ZAN: variants seen among roughly 807,000 people sequenced by gnomAD.
The protein encoded by ZAN is zonadhesin (gene/pseudogene).
ZAN carries 260 observed loss-of-function variants against 286.2 expected under a neutral mutation model. The observed-to-expected ratio is 0.91, with a 90% CI of 0.82 to 1.01. The LOEUF (loss-of-function observed/expected upper bound fraction) is 1.01, where lower values mean the gene tolerates loss of function less well. Ranked by LOEUF, ZAN falls within the 50% of genes least tolerant of loss-of-function variation. The pLI, the probability that ZAN is intolerant of heterozygous loss-of-function variation, is 0.00. For missense variants in ZAN, 3,410 were observed against 3,639.2 expected (o/e 0.94, Z 1.62); for synonymous variants, 1,368 against 1,417.5 (o/e 0.97, Z 0.79).
At chr7:100,761,947 GATAAATAAATAAATAA>G (rs113604904) in intron 19 of ZAN, among the ~76,000 whole-genome samples, 14 of 148,082 alleles carry the variant, frequency 9.5e-5, no homozygotes, top group East Asian at 7.8e-4. Context: ...TGAAAAAAAG[GATAAATAAATAAATAA>G]ATAAATAAAT....
Position 100,768,536 on chromosome 7 carries a change from AGGAGGATGGT to A in ZAN, c.5042-71_5042-62del. 3 of 1,248,626 alleles carry A rather than the reference AGGAGGATGGT, an allele frequency of 2.4e-6. No individual in the cohort carries two copies. In the South Asian group the frequency reaches 4.3e-5, roughly 18 times the overall value. The allele number at this position is 1,248,626 out of a possible 1,614,324, so 77.3% of individuals were successfully genotyped here. Reference sequence around the variant, plus strand: ...ATGTAGAATGAAAAGTGAGGGTGCCAGGAGGATGGTGGCCCTGGGGCCTGGCCTGCTGGGG... The same window carrying A: ...ATGTAGAATGAAAAGTGAGGGTGCCAGGCCCTGGGGCCTGGCCTGCTGGGG... On this transcript the variant is annotated intron_variant, in intron 26 of 47. Coordinates refer to ENST00000613979, the MANE Select transcript of ZAN (RefSeq NM_003386.3).
intron 14 of ZAN, among the ~76,000 whole-genome samples, chr7:100,754,647 G>GC (rs1230887472): frequency 6.6e-5 from 10 of 151,440 alleles, no homozygotes; most frequent in Non-Finnish European, 1.3e-4. Flanking sequence ...GGGGCCACAG[G>GC]CCTGCACCAC....
At chr7:100,790,713 T>C (rs1313230671) in intron 39 of ZAN, among the ~76,000 whole-genome samples, 1 of 151,286 alleles carries the variant, frequency 6.6e-6, no homozygotes, top group African/African-American at 2.4e-5. Context: ...TGAAACACTG[T>C]CTCTACTAAA....
intron 7 of ZAN, among the ~76,000 whole-genome samples, chr7:100,738,875 CT>C (rs1807505260): frequency 3.7e-4 from 2 of 5,352 alleles, no homozygotes; most frequent in African/African-American, 1.1e-3. Context: ...TCTTCTTCTT[CT>C]CCCTCTCCCT....
chr7:100,790,039 G>A (rs1255823185), intron 39 of ZAN, among the ~76,000 whole-genome samples: 3 of 151,738 alleles, frequency 2.0e-5, no homozygotes, highest in South Asian at 2.1e-4. Context: ...CGGGAGGATC[G>A]CTTGAGGCCA....
chr7:100,767,916 A>C lies in ZAN; in HGVS notation c.4946A>C (p.Tyr1649Ser). Residue 1649 changes from tyrosine (Y) to serine (S), a missense_variant, in exon 26 of 48, where the codon TAC (tyrosine) becomes TCC (serine). Tyr to Ser is a moderately radical substitution (Grantham distance 144). Around this residue, in one of 7 missense-constraint regions of ZAN, gnomAD observed 1,042 missense variants for 1,058.0 expected, o/e 0.98. Transcript: ENST00000613979. ...IRLSSNLVLL[Y>S]TNFGLQVRYD... is the part of the protein sequence containing the mutation. ...CTCAGCAGCAACCTCGTCCTCCTCTACACGAACTTTGGGCTCCAAGTTCGC... is the reference window on the plus strand; with the variant it reads ...CTCAGCAGCAACCTCGTCCTCCTCTCCACGAACTTTGGGCTCCAAGTTCGC... 6.2e-7 allele frequency: 1 copy of C among 1,613,916 alleles called. No homozygotes were observed. The highest frequency in any genetic ancestry group is 1.1e-5 in the South Asian group (1 of 91,078).
chr7:100,750,594 CT>C, intron 11 of ZAN, 30 bp from the exon 12 acceptor site: 1 of 1,609,672 alleles, frequency 6.2e-7, no homozygotes, highest in Non-Finnish European at 8.5e-7. Context: ...GTGCAGGCTT[CT>C]TACCTTGCCT....
Position 100,738,329 on chromosome 7 carries a change from G to A in ZAN, c.614-132G>A, listed in dbSNP as rs1807453108. On this transcript the variant is annotated intron_variant, in intron 6 of 47. Coordinates refer to ENST00000613979, the MANE Select transcript of ZAN (RefSeq NM_003386.3). ...GCTACTTGAGAGGTTGAGGTGGGAG[G>A]ACCGCTTGAGTCCAGGAGTTCGAGG... The A allele has an allele frequency of 4.7e-6, 4 of 856,964 alleles. No individual in the cohort carries two copies. The East Asian group carries it at 1.1e-4, about 25-fold the overall frequency. 53.1% of individuals were successfully genotyped at this position (856,964 alleles called of 1,614,324 possible). A position where few individuals can be genotyped will look rare whatever the true frequency, so the allele number is the denominator to read the frequency against.
At chr7:100,795,457 G>T in intron 45 of ZAN, 121 bp downstream of exon 45, 1 of 981,152 alleles carries the variant, frequency 1.0e-6, no homozygotes, top group Non-Finnish European at 1.3e-6. Context: ...TTATGTTACA[G>T]ATATTATATA....
intron 34 of ZAN, among the ~76,000 whole-genome samples, chr7:100,778,505 G>A (rs1810968251): frequency 6.6e-6 from 1 of 152,018 alleles, no homozygotes; most frequent in Non-Finnish European, 1.5e-5. Flanking sequence ...CTACTCACAA[G>A]GCTGAGGTGG....
At chr7:100,771,592 C>A (rs879804898) in intron 28 of ZAN, among the ~76,000 whole-genome samples, 3 of 152,060 alleles carry the variant, frequency 2.0e-5, no homozygotes, top group Non-Finnish European at 2.9e-5. Flanking sequence ...CTACTATGCC[C>A]TGCTAATTTT....
At position 100,797,420 on chromosome 7, in the gene ZAN, T is replaced by C. The variant is rs535611787; in HGVS notation, c.8321T>C (p.Leu2774Pro). ...CTGCTGGTGCCTGTGGTGGTCGTAC[T>C]ACTGGCCGTGACCAGAGAGTGCATT... Reference protein sequence around the residue: ...LGLLVPVVVVLLAVTRECIYR... With the variant: ...LGLLVPVVVVPLAVTRECIYR... The change falls in exon 46 of 48, where the codon CTA (leucine) becomes CCA (proline). Residue 2774 changes from leucine (L) to proline (P), a missense_variant. Leu to Pro is a moderately conservative substitution (Grantham distance 98, BLOSUM62 -3). Around this residue, in one of 7 missense-constraint regions of ZAN, gnomAD observed 1,289 missense variants for 1,314.3 expected, o/e 0.98. Coordinates refer to ENST00000613979, the MANE Select transcript of ZAN (RefSeq NM_003386.3). 6.2e-7 allele frequency: 1 copy of C among 1,613,904 alleles called. No individual in the cohort carries two copies. Among genetic ancestry groups the C allele is most frequent in the South Asian group, 1.1e-5 (1 of 91,082 alleles).
chr7:100,777,326 C>G (rs1466170944), intron 34 of ZAN, among the ~76,000 whole-genome samples: 1 of 151,390 alleles, frequency 6.6e-6, no homozygotes, highest in Non-Finnish European at 1.5e-5. Context: ...TAATCATGAG[C>G]GACTGCACCT....
At position 100,769,879 on chromosome 7, in the gene ZAN, G is replaced by A. The variant is rs1357391196; in HGVS notation, c.5154-1G>A. On this transcript the variant is annotated splice_acceptor_variant, in intron 27 of 47. Transcript: ENST00000613979. LOFTEE classifies it high-confidence loss of function. ...CTCAGTTTCTATTCTCTCTCATTTA[G>A]CTGTTTCCTTGTGGGTGGCAAGCCC... 1 of 1,554,226 alleles carries A rather than the reference G, an allele frequency of 6.4e-7. No individual in the cohort carries two copies. The highest frequency in any genetic ancestry group is 2.0e-5 in the Admixed American group (1 of 51,212).
chr7:100,794,214 G>C lies in ZAN; in HGVS notation c.8081G>C (p.Gly2694Ala), dbSNP rs768928108. ...TGTGAGCCCTTCAGCTGCAGAGCGG[G>C]GGAGGTCTGCACCCTGGGGAACCAC... is the stretch of plus-strand genomic sequence containing the variant. ...LLCEPFSCRAGEVCTLGNHTQ... is the reference protein window; with the variant it reads ...LLCEPFSCRAAEVCTLGNHTQ... Residue 2694 changes from glycine (G) to alanine (A), a missense_variant, in exon 44 of 48, where the codon GGG (glycine) becomes GCG (alanine). Gly to Ala is a moderately conservative substitution (Grantham distance 60, BLOSUM62 0). This residue lies in a region of ZAN where 1,289 missense variants were observed against 1,314.3 expected (regional missense o/e 0.98). Transcript: ENST00000613979. 1 of 1,613,490 alleles carries C rather than the reference G, an allele frequency of 6.2e-7. No individual in the cohort carries two copies. The highest frequency in any genetic ancestry group is 1.3e-5 in the African/African-American group (1 of 74,918).
chr7:100,751,917 A>G lies in ZAN; in HGVS notation c.1812A>G (p.Lys604=), dbSNP rs1584565948. 6.2e-7 allele frequency: 1 copy of G among 1,612,178 alleles called. No individual in the cohort carries two copies. The highest frequency in any genetic ancestry group is 1.1e-5 in the South Asian group (1 of 90,880). The change falls in exon 14 of 48, where the codon AAA becomes AAG. Residue 604 remains lysine, a synonymous_variant. Transcript: ENST00000613979. ...AAAAACCCACCATCTCCACAGAAAA[A>G]CCCACCATTCCTTCAGAAAAACCCA... The part of the protein sequence containing the change: ...PTEKPTISTE[K]PTIPSEKPNM...
chr7:100,759,194 C>T (rs1470172602), intron 17 of ZAN, among the ~76,000 whole-genome samples: 1 of 151,706 alleles, frequency 6.6e-6, no homozygotes, highest in Non-Finnish European at 1.5e-5. Context: ...CACTGCACTC[C>T]TGCACTCTAG....
At position 100,752,800 on chromosome 7, in the gene ZAN, C is replaced by T. The variant is rs944260991; in HGVS notation, c.2695C>T (p.Leu899Phe). ...AGAGACTACCATCTCCACAGAAAAA[C>T]TCACCATCCCCACAGAAAAACCCAC... Reference protein sequence around the residue: ...IEETTISTEKLTIPTEKPTIS... With the variant: ...IEETTISTEKFTIPTEKPTIS... Residue 899 changes from leucine (L) to phenylalanine (F), a missense_variant, in exon 14 of 48, where the codon CTC (leucine) becomes TTC (phenylalanine). Transcript: ENST00000613979. 6.4e-7 allele frequency: 1 copy of T among 1,556,142 alleles called. No homozygotes were observed.
At position 100,738,286 on chromosome 7, in the gene ZAN, C is replaced by T. The variant is rs376264076; in HGVS notation, c.614-175C>T. Among the ~76,000 whole-genome samples the T allele has an allele frequency of 6.0e-4, 85 of 140,706 alleles. 10 individuals are homozygous for T. The East Asian group carries it at 7.5e-3, about 12-fold the overall frequency. 92.3% of individuals were successfully genotyped at this position (140,706 alleles called of 152,430 possible). A position where few individuals can be genotyped will look rare whatever the true frequency, so the allele number is the denominator to read the frequency against. On this transcript the variant is annotated intron_variant, in intron 6 of 47. Transcript: ENST00000613979. Reference sequence around the variant, plus strand: ...TTTAAAAATTAGCTCGGCATGGTGGCGCACACCTGTAGTCCTAGCTACTTG... The same window carrying T: ...TTTAAAAATTAGCTCGGCATGGTGGTGCACACCTGTAGTCCTAGCTACTTG...
Sources: gnomAD v4.1 joint callset for allele counts (sites outside exome capture counted in the v4.1 genomes callset) on GRCh38, gnomAD v4.1.1 for gene constraint, gnomAD v4.1.1 regional missense constraint, MANE v1.5 for transcripts, NCBI Gene and HGNC (gene_info 2026-07-23, HGNC 2026-07-21) for gene names.